CLASP2: variants seen among roughly 807,000 people sequenced by gnomAD.
The protein encoded by CLASP2 is cytoplasmic linker associated protein 2.
Under a neutral mutation model 194.4 loss-of-function variants are expected in CLASP2, and 47 were observed. The ratio of observed to expected loss-of-function variants is 0.24; its 90% CI spans 0.19 to 0.31. The LOEUF (loss-of-function observed/expected upper bound fraction) is 0.31, where lower values mean the gene tolerates loss of function less well. Ranked by LOEUF, CLASP2 falls within the 10% of genes least tolerant of loss-of-function variation. The pLI is 1.00. For synonymous variants in CLASP2, 619 were observed against 633.5 expected (o/e 0.98, Z 0.34); for missense variants, 1,445 against 1,823.6 (o/e 0.79, Z 3.78).
intron 14 of CLASP2, 43 bp from the exon 15 acceptor site, chr3:33,607,504 T>A (rs760705384): frequency 3.6e-6 from 5 of 1,397,324 alleles, no homozygotes; most frequent in Non-Finnish European, 4.9e-6. Flanking sequence ...TATAGCTGTA[T>A]GTTTCACCAC....
chr3:33,509,513 C>A (rs1320180677), intron 37 of CLASP2, among the ~76,000 whole-genome samples: 1 of 152,150 alleles, frequency 6.6e-6, no homozygotes, highest in African/African-American at 2.4e-5. Flanking sequence ...CTGTGCCCAG[C>A]CTATTATACT....
intron 18 of CLASP2, among the ~76,000 whole-genome samples, chr3:33,601,259 G>A (rs2072109234): frequency 1.3e-5 from 2 of 151,924 alleles, no homozygotes; most frequent in South Asian, 2.1e-4. Context: ...CGTGCCCGGC[G>A]ATAAGGCCCT....
chr3:33,528,766 TAAAG>T (rs985484587), intron 34 of CLASP2, among the ~76,000 whole-genome samples: 19 of 140,660 alleles, frequency 1.4e-4, no homozygotes, highest in East Asian at 1.0e-3. Context: ...CATCTCGAAA[TAAAG>T]AAAGAAAGAA....
intron 1 of CLASP2, among the ~76,000 whole-genome samples, chr3:33,712,991 G>T (rs766504728): frequency 1.6e-4 from 16 of 101,546 alleles, no homozygotes; most frequent in Non-Finnish European, 2.9e-4. Flanking sequence ...CAGCCTGGGC[G>T]ACAAGAGCAA....
intron 21 of CLASP2, among the ~76,000 whole-genome samples, chr3:33,587,747 T>C (rs2067735959): frequency 6.6e-6 from 1 of 152,236 alleles, no homozygotes; most frequent in African/African-American, 2.4e-5. Context: ...GGAACCTGTT[T>C]TCTCCATGCA....
At chr3:33,510,824 G>C (rs1259605689) in intron 36 of CLASP2, 60 bp from the exon 37 acceptor site, 1 of 1,396,594 alleles carries the variant, frequency 7.2e-7, no homozygotes, top group Non-Finnish European at 9.9e-7. Flanking sequence ...CTACATCCTG[G>C]AAGTATAAAC....
chr3:33,686,778 G>C (rs1432227521), intron 5 of CLASP2, among the ~76,000 whole-genome samples: 3 of 152,154 alleles, frequency 2.0e-5, no homozygotes, highest in African/African-American at 7.2e-5. Context: ...GACTGTAGCA[G>C]GGAATCGAAG....
intron 7 of CLASP2, among the ~76,000 whole-genome samples, chr3:33,647,901 T>C (rs376226457): frequency 1.3e-5 from 2 of 151,772 alleles, no homozygotes; most frequent in African/African-American, 4.8e-5. Context: ...GGCGTGGTGG[T>C]GGGCGCCTGT....
chr3:33,501,845 G>C, intron 37 of CLASP2, 77 bp from the exon 38 acceptor site: 1 of 885,982 alleles, frequency 1.1e-6, no homozygotes, highest in South Asian at 1.4e-5. Context: ...GTCAGAAGAT[G>C]CAGCTGAAAG....
rs112567175 is a variant in CLASP2, at chr3:33,718,084, G to A, written c.-82C>T. On this transcript the variant is annotated 5_prime_UTR_variant, in exon 1 of 39. Coordinates refer to ENST00000682230, the MANE Select transcript of CLASP2 (RefSeq NM_001365631.1). ...CGCCCAGCCTCCAGTGCGGGTCCCC[G>A]CGGGAGCGGGCGGGACTCACTTAGC... The A allele has an allele frequency of 7.3e-7, 1 of 1,364,654 alleles. No homozygotes were observed. The allele number at this position is 1,364,654 out of a possible 1,614,324, so 84.5% of individuals were successfully genotyped here. A position where few individuals can be genotyped will look rare whatever the true frequency, so the allele number is the denominator to read the frequency against.
chr3:33,630,508 CTATGAG>C (rs1389979148), intron 9 of CLASP2, among the ~76,000 whole-genome samples: 2 of 151,898 alleles, frequency 1.3e-5, no homozygotes, highest in East Asian at 1.9e-4. Flanking sequence ...TTATCAATTA[CTATGAG>C]TATGAGAGCC....
chr3:33,603,190 A>C, intron 17 of CLASP2, 65 bp from the exon 18 acceptor site: 1 of 1,446,622 alleles, frequency 6.9e-7, no homozygotes, highest in Non-Finnish European at 9.2e-7. Flanking sequence ...AAATTATATA[A>C]ACCTGACCAC....
chr3:33,603,295 ATCACAACTAAGTCT>A (rs910751520), intron 17 of CLASP2, among the ~76,000 whole-genome samples, 170 bp from the exon 18 acceptor site: 92 of 152,350 alleles, frequency 6.0e-4, no homozygotes, highest in African/African-American at 2.2e-3. Context: ...CTCAGTTTCA[ATCACAACTAAGTCT>A]TCAGCAATTT....
chr3:33,717,406 C>T (rs1202097978), intron 1 of CLASP2, among the ~76,000 whole-genome samples: 1 of 152,020 alleles, frequency 6.6e-6, no homozygotes, highest in Non-Finnish European at 1.5e-5. Context: ...CGCGGGACCC[C>T]CCTGTTTCCC....
chr3:33,537,966 C>T (rs2057683663), intron 33 of CLASP2, among the ~76,000 whole-genome samples: 1 of 152,094 alleles, frequency 6.6e-6, no homozygotes, highest in South Asian at 2.1e-4. Context: ...ACGGTGAAAC[C>T]TCATCTCTGC....
chr3:33,690,117 G>A (rs2091176987), intron 2 of CLASP2, among the ~76,000 whole-genome samples, 185 bp from the exon 3 acceptor site: 2 of 152,140 alleles, frequency 1.3e-5, no homozygotes, highest in Admixed American at 6.5e-5. Context: ...AAGAATACAT[G>A]CAGCATGATA....
intron 6 of CLASP2, among the ~76,000 whole-genome samples, chr3:33,667,426 A>AAAAAAAAAAAAAAAAC (rs2086394856): frequency 6.6e-6 from 1 of 150,890 alleles, no homozygotes; most frequent in Non-Finnish European, 1.5e-5. Flanking sequence ...AAAAAAAAAA[A>AAAAAAAAAAAAAAAAC]AAGACATTTG....
At chr3:33,514,467 A>G (rs1194341301) in intron 36 of CLASP2, 1 of 156,572 alleles carries the variant, frequency 6.4e-6, no homozygotes, top group African/African-American at 2.4e-5. Flanking sequence ...TTCTTCGGAG[A>G]GGTTTATAGC....
chr3:33,675,304 T>A (rs370241699), intron 6 of CLASP2, among the ~76,000 whole-genome samples: 2 of 151,862 alleles, frequency 1.3e-5, no homozygotes, highest in African/African-American at 4.8e-5. Flanking sequence ...AATAAATGTA[T>A]TCCAGCATAT....
Sources: gnomAD v4.1 joint callset for allele counts (sites outside exome capture counted in the v4.1 genomes callset) on GRCh38, gnomAD v4.1.1 for gene constraint, MANE v1.5 for transcripts, NCBI Gene and HGNC (gene_info 2026-07-23, HGNC 2026-07-21) for gene names.